Variants in RNF166 observed in about 807,000 individuals in gnomAD.
The protein encoded by RNF166 is ring finger protein 166.
A neutral mutation model predicts 29.4 loss-of-function variants in RNF166; 19 were observed. That is an observed-to-expected ratio of 0.65 (90% CI 0.45 to 0.95). RNF166 has a LOEUF of 0.95. Among genes scored for constraint, RNF166 ranks in the 40% least tolerant of loss-of-function variants. The probability of loss-of-function intolerance (pLI) is 0.00; values close to 1 mark genes in which losing one functional copy is unlikely to be tolerated. For synonymous variants in RNF166, 171 were observed against 134.5 expected (o/e 1.27, Z -1.88); for missense variants, 347 against 322.1 (o/e 1.08, Z -0.59).
At position 88,696,574 on chromosome 16, in the gene RNF166, G is replaced by A. The variant is rs533172687; in HGVS notation, c.*994C>T. The A allele has an allele frequency of 2.2e-6, 1 of 451,812 alleles. No individual in the cohort carries two copies. Among genetic ancestry groups the A allele is most frequent in the Non-Finnish European group, 4.4e-6 (1 of 225,830 alleles). 28.0% of individuals were successfully genotyped at this position (451,812 alleles called of 1,614,324 possible). ...AATAATTAATGCCAAGAACAGAAAAGAATGTTGACGTGTTGCCCGGCCCGC... is the reference window on the plus strand; with the variant it reads ...AATAATTAATGCCAAGAACAGAAAAAAATGTTGACGTGTTGCCCGGCCCGC... On this transcript the variant is annotated 3_prime_UTR_variant, in exon 6 of 6. Transcript: ENST00000312838.
chr16:88,701,628 C>G lies in RNF166; in HGVS notation c.156-210G>C, dbSNP rs1910243798. 10 of 542,114 alleles carry G rather than the reference C, an allele frequency of 1.8e-5. No individual in the cohort carries two copies. The South Asian group carries it at 2.2e-4, about 12-fold the overall frequency. 33.6% of individuals were successfully genotyped at this position (542,114 alleles called of 1,614,324 possible). A position where few individuals can be genotyped will look rare whatever the true frequency, so the allele number is the denominator to read the frequency against. ...TCTGGCTAAAGGGTGGCCCCGGTCC[C>G]TCCTGACAGTAGGCCCCTGTGGTTT... On this transcript the variant is annotated intron_variant, in intron 1 of 5. Transcript: ENST00000312838.
intron 2 of RNF166, 129 bp downstream of exon 2, chr16:88,701,133 C>T (rs1567637508): frequency 7.6e-7 from 1 of 1,317,116 alleles, no homozygotes; most frequent in Non-Finnish European, 1.0e-6. Flanking sequence ...CTTCCTGGTG[C>T]AGGAGCAGAG....
Position 88,698,977 on chromosome 16 carries a change from G to C in RNF166, c.534C>G (p.Asn178Lys). The C allele has an allele frequency of 6.3e-7, 1 of 1,592,568 alleles. No homozygotes were observed. The highest frequency in any genetic ancestry group is 8.6e-7 in the Non-Finnish European group (1 of 1,169,530). Residue 178 changes from asparagine to lysine, a missense_variant, in exon 4 of 6, where the codon AAC becomes AAG. Asn to Lys is a moderately conservative substitution (Grantham distance 94). Transcript: ENST00000312838. ...HCVESHRSDP[N>K]RVVCPICSAM... Reference sequence around the variant, plus strand: ...TGGGGCAGGCACTGCTCACCACGCGGTTGGGGTCGCTGCGGTGGCTTTCCA... The same window carrying C: ...TGGGGCAGGCACTGCTCACCACGCGCTTGGGGTCGCTGCGGTGGCTTTCCA...
At chr16:88,703,172 A>T (rs1910436283) in intron 1 of RNF166, 1 of 984,138 alleles carries the variant, frequency 1.0e-6, no homozygotes, top group Admixed American at 6.1e-5. Context: ...GTGACCAGAA[A>T]GCAGACGGGT....
intron 1 of RNF166, among the ~76,000 whole-genome samples, chr16:88,705,122 C>G (rs1340876438): frequency 6.6e-6 from 1 of 152,250 alleles, no homozygotes; most frequent in Non-Finnish European, 1.5e-5. Context: ...GGGCAGGCGC[C>G]TGTGCTGCCT....
chr16:88,706,154 T>G lies in RNF166; in HGVS notation c.155+17A>C. 8.5e-7 allele frequency: 1 copy of G among 1,178,104 alleles called. No individual in the cohort carries two copies. The highest frequency in any genetic ancestry group is 3.6e-5 in the South Asian group (1 of 28,132). The allele number at this position is 1,178,104 out of a possible 1,614,324, so 73.0% of individuals were successfully genotyped here. ...GGCACGGCCCCCTCCCCGCGGCCCCTGGGCGGGCGCGCTCACGTGTGGCCG... is the reference window on the plus strand; with the variant it reads ...GGCACGGCCCCCTCCCCGCGGCCCCGGGGCGGGCGCGCTCACGTGTGGCCG... On this transcript the variant is annotated intron_variant, in intron 1 of 5. Transcript: ENST00000312838.
chr16:88,698,129 G>A, intron 5 of RNF166: 1 of 591,608 alleles, frequency 1.7e-6, no homozygotes, highest in African/African-American at 1.9e-5. Flanking sequence ...ACCCGCGGCG[G>A]GTGGGAAAAG....
chr16:88,703,739 A>G (rs1910499222), intron 1 of RNF166: 5 of 985,448 alleles, frequency 5.1e-6, no homozygotes, highest in Middle Eastern at 5.2e-4. Context: ...CAGCCTTACA[A>G]AGGGAGGGGC....
chr16:88,700,307 G>C (rs777571800), intron 2 of RNF166, among the ~76,000 whole-genome samples: 1 of 152,190 alleles, frequency 6.6e-6, no homozygotes, highest in African/African-American at 2.4e-5. Context: ...AGACACAGCC[G>C]CATCTGAAGA....
intron 1 of RNF166, chr16:88,702,814 G>A: frequency 2.0e-6 from 2 of 985,488 alleles, no homozygotes; most frequent in Non-Finnish European, 2.4e-6. Context: ...GATATTTCCA[G>A]GGTCATCCCT....
intron 3 of RNF166, among the ~76,000 whole-genome samples, chr16:88,699,329 G>A (rs1320379462): frequency 6.6e-6 from 1 of 152,260 alleles, no homozygotes; most frequent in Non-Finnish European, 1.5e-5. Flanking sequence ...TGCCCTGGCA[G>A]GAGCCGTCTC....
chr16:88,696,564 G>C lies in RNF166; in HGVS notation c.*1004C>G, dbSNP rs1004797359. The C allele has an allele frequency of 1.8e-5, 8 of 449,758 alleles. No individual in the cohort carries two copies. Among genetic ancestry groups the C allele is most frequent in the African/African-American group, 1.4e-4 (7 of 49,406 alleles). The allele number at this position is 449,758 out of a possible 1,614,324, so 27.9% of individuals were successfully genotyped here. On this transcript the variant is annotated 3_prime_UTR_variant, in exon 6 of 6. Transcript: ENST00000312838. ...AAAAGACAGCAATAATTAATGCCAA[G>C]AACAGAAAAGAATGTTGACGTGTTG...
At chr16:88,698,732 C>A in intron 4 of RNF166, 123 bp from the exon 5 acceptor site, 1 of 744,070 alleles carries the variant, frequency 1.3e-6, no homozygotes, top group Non-Finnish European at 2.2e-6. Context: ...CACCCCAGAC[C>A]TGGAGGCGCG....
intron 5 of RNF166, chr16:88,698,088 T>A (rs1005459049): frequency 8.9e-6 from 5 of 562,984 alleles, no homozygotes; most frequent in East Asian, 3.0e-5. Flanking sequence ...TGTGCGAGGG[T>A]CTGCAGGCCC....
intron 5 of RNF166, chr16:88,698,163 G>A (rs979019751): frequency 2.3e-5 from 14 of 602,232 alleles, no homozygotes; most frequent in Non-Finnish European, 3.8e-5. Flanking sequence ...AGTGTTCGAT[G>A]TTGATGAAAG....
rs1132576 is a variant in RNF166 at position 88,696,663 on chromosome 16, C to A, written c.*905G>T. On this transcript the variant is annotated 3_prime_UTR_variant, in exon 6 of 6. Coordinates refer to ENST00000312838, the MANE Select transcript of RNF166 (RefSeq NM_178841.4). Reference sequence around the variant, plus strand: ...ACTGGGGTGCCGTCCCCTCCCGCAGCGGGGCACAGTCAGCTTTGAAGGTGA... The same window carrying A: ...ACTGGGGTGCCGTCCCCTCCCGCAGAGGGGCACAGTCAGCTTTGAAGGTGA... 7 of 440,356 alleles carry A rather than the reference C, an allele frequency of 1.6e-5. No individual in the cohort carries two copies. The Admixed American group carries it at 1.6e-4, about 10-fold the overall frequency. The allele number at this position is 440,356 out of a possible 1,614,324, so 27.3% of individuals were successfully genotyped here.
rs376509894 is a variant in RNF166, at chr16:88,699,052, C to A, written c.459G>T (p.Pro153=). The change falls in exon 4 of 6, where the codon CCG becomes CCT. Residue 153 remains proline (P), a synonymous_variant. Coordinates refer to ENST00000312838, the MANE Select transcript of RNF166 (RefSeq NM_178841.4). ...NIPNRSTFAC[P]YCGARNLDQQ... ...GGTCCAGGTTGCGGGCACCACAGTA[C>A]GGGCAGGCGAAGGTGGACCTGTTGG... 3.3e-5 allele frequency: 53 copies of A among 1,610,714 alleles called. No individual in the cohort carries two copies. The highest frequency in any genetic ancestry group is 4.5e-5 in the Non-Finnish European group (53 of 1,178,858).
At chr16:88,704,926 G>A (rs183106755) in intron 1 of RNF166, among the ~76,000 whole-genome samples, 70 of 152,354 alleles carry the variant, frequency 4.6e-4, no homozygotes, top group African/African-American at 1.6e-3. Context: ...GGAGATGGAG[G>A]TTGCGGTGAG....
chr16:88,704,165 C>A (rs1439228942), intron 1 of RNF166: 7 of 985,456 alleles, frequency 7.1e-6, no homozygotes, highest in Non-Finnish European at 8.4e-6. Context: ...GGGACAGAAC[C>A]AGACCAGCAA....
Sources: gnomAD v4.1 joint callset for allele counts (sites outside exome capture counted in the v4.1 genomes callset) on GRCh38, gnomAD v4.1.1 for gene constraint, MANE v1.5 for transcripts, NCBI Gene and HGNC (gene_info 2026-07-23, HGNC 2026-07-21) for gene names.